Variants in MARCHF1 observed in about 807,000 individuals in gnomAD.
The protein encoded by MARCHF1 is membrane associated ring-CH-type finger 1.
MARCHF1 carries 40 observed loss-of-function variants against 54.2 expected under a neutral mutation model. That is an observed-to-expected ratio of 0.74 (90% CI 0.57 to 0.96). The LOEUF (loss-of-function observed/expected upper bound fraction) is 0.96. Among genes scored for constraint, MARCHF1 ranks in the 40% least tolerant of loss-of-function variants. The probability of loss-of-function intolerance (pLI) is 0.00; values close to 1 mark genes in which losing one functional copy is unlikely to be tolerated. For missense variants in MARCHF1, 586 were observed against 656.5 expected, an observed-to-expected ratio of 0.89 and a Z score of 1.17; for synonymous variants, 236 against 236.3, an observed-to-expected ratio of 1.00 and a Z score of 0.01.
At chr4:164,318,471 G>A (rs1040717854) in intron 1 of MARCHF1, among the ~76,000 whole-genome samples, 2 of 152,118 alleles carry the variant, frequency 1.3e-5, no homozygotes, top group African/African-American at 2.4e-5. Flanking sequence ...CTATAATGGA[G>A]AAGAACACAG....
In MARCHF1 at chr4:163,972,578, G is replaced by A. The variant is rs1234442490; in HGVS notation, c.-39+15923C>T. 2.0e-5 allele frequency among the ~76,000 whole-genome samples: 3 copies of A among 152,198 alleles called. No homozygotes were observed. In the East Asian group the frequency reaches 5.8e-4, roughly 29 times the overall value. On this transcript the variant is annotated intron_variant, in intron 3 of 9. Coordinates refer to ENST00000514618, the MANE Select transcript of MARCHF1 (RefSeq NM_001394959.1). ...TGTTGTTTTTTTGAGATGGAGTCTT[G>A]CTCAGCCGCCCAGGCTGGAGTGCAG... is the stretch of plus-strand genomic sequence containing the variant.
chr4:163,793,935 G>A (rs768093896), intron 4 of MARCHF1, among the ~76,000 whole-genome samples: 49 of 152,140 alleles, frequency 3.2e-4, no homozygotes, highest in Non-Finnish European at 5.4e-4. Context: ...CGAAGCTCCC[G>A]GCTGAATAAA....
chr4:163,674,693 A>G (rs1427544783), intron 5 of MARCHF1, among the ~76,000 whole-genome samples: 1 of 152,184 alleles, frequency 6.6e-6, no homozygotes, highest in African/African-American at 2.4e-5. Flanking sequence ...TAATGCCACT[A>G]TGGGTTAAAC....
intron 5 of MARCHF1, among the ~76,000 whole-genome samples, chr4:163,641,348 T>G (rs538036455): frequency 2.0e-5 from 3 of 152,134 alleles, no homozygotes; most frequent in Non-Finnish European, 4.4e-5. Context: ...GTACAATTCC[T>G]GTAATTTAGT....
intron 2 of MARCHF1, among the ~76,000 whole-genome samples, chr4:163,995,884 T>C (rs1753065941): frequency 6.6e-6 from 1 of 152,090 alleles, no homozygotes; most frequent in African/African-American, 2.4e-5. Flanking sequence ...TTGATGAGTA[T>C]AAAGCATAGG....
chr4:163,707,222 G>T (rs1212982827), intron 4 of MARCHF1, among the ~76,000 whole-genome samples: 1 of 152,012 alleles, frequency 6.6e-6, no homozygotes, highest in African/African-American at 2.4e-5. Context: ...TATGTCATTG[G>T]TATATTTGAT....
intron 4 of MARCHF1, among the ~76,000 whole-genome samples, chr4:163,756,382 A>G (rs771237941): frequency 1.3e-5 from 2 of 152,000 alleles, no homozygotes; most frequent in Non-Finnish European, 2.9e-5. Context: ...TAATCCCAGC[A>G]CTTTGGGAGG....
At chr4:163,750,513 AAAATAAATAAAT>A (rs34968782) in intron 4 of MARCHF1, among the ~76,000 whole-genome samples, 41,695 of 142,912 alleles carry the variant, frequency 0.29, 7,184 homozygotes, top group Non-Finnish European at 0.4. Flanking sequence ...TCTGTCTCAA[AAAATAAATAAAT>A]AAATAAATAA....
intron 4 of MARCHF1, among the ~76,000 whole-genome samples, chr4:163,719,544 G>A (rs540309369): frequency 2.0e-5 from 3 of 151,956 alleles, no homozygotes; most frequent in African/African-American, 4.8e-5. Flanking sequence ...GGGTATATAC[G>A]CAGTAATGGG....
chr4:164,207,889 G>A (rs906655533), intron 1 of MARCHF1, among the ~76,000 whole-genome samples: 10 of 152,082 alleles, frequency 6.6e-5, no homozygotes, highest in African/African-American at 2.2e-4. Context: ...ATAACCTTGT[G>A]ATGAAATAAT....
chr4:164,333,227 A>G (rs1448094518), intron 1 of MARCHF1, among the ~76,000 whole-genome samples: 2 of 152,180 alleles, frequency 1.3e-5, no homozygotes, highest in African/African-American at 4.8e-5. Context: ...AGATTACAAA[A>G]TTGTGTATAT....
At chr4:164,201,296 T>A (rs1731446847) in intron 1 of MARCHF1, among the ~76,000 whole-genome samples, 3 of 152,148 alleles carry the variant, frequency 2.0e-5, no homozygotes, top group African/African-American at 7.2e-5. Context: ...CTCGGCTCAC[T>A]GCAACCTCCG....
intron 4 of MARCHF1, among the ~76,000 whole-genome samples, chr4:163,778,620 A>ACTAG (rs1002674583): frequency 6.6e-6 from 1 of 152,178 alleles, no homozygotes; most frequent in African/African-American, 2.4e-5. Context: ...TCAATGGGTG[A>ACTAG]CTAGATAAGA....
At chr4:163,547,297 TAAC>T (rs1278405770) in intron 8 of MARCHF1, among the ~76,000 whole-genome samples, 28 of 152,238 alleles carry the variant, frequency 1.8e-4, no homozygotes, top group African/African-American at 5.8e-4. Flanking sequence ...CTTCTTCTGT[TAAC>T]AAACTAATTC....
rs994604891 is a variant in MARCHF1 at position 164,180,192 on chromosome 4, A to AT, written c.-322-68531dup. ...TTCATGATTAGGCACAGGGTTATACATTTTTTAACGCAGGAATTTATATTG... is the reference window on the plus strand; with the variant it reads ...TTCATGATTAGGCACAGGGTTATACATTTTTTTAACGCAGGAATTTATATTG... On this transcript the variant is annotated intron_variant, in intron 1 of 9. Coordinates refer to ENST00000514618, the MANE Select transcript of MARCHF1 (RefSeq NM_001394959.1). Among the ~76,000 whole-genome samples the AT allele has an allele frequency of 1.1e-4, 16 of 152,124 alleles. 1 individual carries two copies. The highest frequency in any genetic ancestry group is 2.9e-4 in the African/African-American group (12 of 41,524).
intron 9 of MARCHF1, among the ~76,000 whole-genome samples, 193 bp from the exon 10 acceptor site, chr4:163,529,239 T>C (rs915815486): frequency 1.3e-5 from 2 of 152,066 alleles, no homozygotes; most frequent in African/African-American, 4.8e-5. Flanking sequence ...ATCCTACATG[T>C]ACTGTCAAAA....
chr4:163,892,153 G>A (rs908624976), intron 3 of MARCHF1, among the ~76,000 whole-genome samples: 16 of 152,126 alleles, frequency 1.1e-4, no homozygotes, highest in Non-Finnish European at 2.1e-4. Flanking sequence ...GTTAACAAAG[G>A]TGAAGGAAAA....
chr4:163,695,962 T>C (rs560305280), intron 5 of MARCHF1, among the ~76,000 whole-genome samples: 5 of 152,238 alleles, frequency 3.3e-5, no homozygotes, highest in South Asian at 2.1e-4. Flanking sequence ...AATTGAAAGC[T>C]GCCTTTTTCA....
chr4:164,318,469 GAGA>G (rs1184841670), intron 1 of MARCHF1, among the ~76,000 whole-genome samples: 1 of 152,122 alleles, frequency 6.6e-6, no homozygotes, highest in African/African-American at 2.4e-5. Context: ...GACTATAATG[GAGA>G]AGAACACAGA....
Sources: gnomAD v4.1 joint callset for allele counts (sites outside exome capture counted in the v4.1 genomes callset) on GRCh38, gnomAD v4.1.1 for gene constraint, MANE v1.5 for transcripts, NCBI Gene and HGNC (gene_info 2026-07-23, HGNC 2026-07-21) for gene names.